Variants in KCNH5 observed in about 807,000 individuals in gnomAD.
KCNH5 encodes potassium voltage-gated channel subfamily H member 5, also known as voltage-gated delayed rectifier potassium channel KCNH5.
A neutral mutation model predicts 96.1 loss-of-function variants in KCNH5; 46 were observed. The observed-to-expected ratio is 0.48, with a 90% CI of 0.38 to 0.61. The LOEUF is 0.61. KCNH5 is among the 20% of genes least tolerant of loss of function. KCNH5 has a pLI of 0.00. For missense variants in KCNH5, 907 were observed against 1,225.8 expected (o/e 0.74, Z 3.88); for synonymous variants, 439 against 449.8 (o/e 0.98, Z 0.30).
At chr14:62,989,725 A>C (rs903702547) in intron 4 of KCNH5, among the ~76,000 whole-genome samples, 1 of 152,096 alleles carries the variant, frequency 6.6e-6, no homozygotes, top group Admixed American at 6.6e-5. Flanking sequence ...CATTCTTAGC[A>C]CTTGAAACAA....
chr14:63,029,776 C>G (rs1215189379), intron 1 of KCNH5, among the ~76,000 whole-genome samples: 1 of 151,902 alleles, frequency 6.6e-6, no homozygotes, highest in Non-Finnish European at 1.5e-5. Flanking sequence ...TTGAAACACT[C>G]TCTATGTATA....
chr14:62,744,774 T>C (rs1885341357), intron 10 of KCNH5, among the ~76,000 whole-genome samples: 1 of 152,214 alleles, frequency 6.6e-6, no homozygotes, highest in Non-Finnish European at 1.5e-5. Context: ...AAACCGATCA[T>C]TCAGAGGGTT....
chr14:62,834,963 T>A (rs2140031383), intron 8 of KCNH5, among the ~76,000 whole-genome samples: 1 of 151,772 alleles, frequency 6.6e-6, no homozygotes, highest in African/African-American at 2.4e-5. Context: ...AGAGAAAAAA[T>A]TTTCTGATCC....
At chr14:62,847,986 T>C (rs1887732190) in intron 8 of KCNH5, among the ~76,000 whole-genome samples, 1 of 152,218 alleles carries the variant, frequency 6.6e-6, no homozygotes, top group Non-Finnish European at 1.5e-5. Context: ...GCTCCATTCA[T>C]GAATAACTCA....
At position 62,712,288 on chromosome 14, in the gene KCNH5, A is replaced by G. The variant is rs17100255; in HGVS notation, c.2020-3833T>C. 806 of 183,964 alleles carry G rather than the reference A, an allele frequency of 4.4e-3. 11 individuals carry two copies. The highest frequency in any genetic ancestry group is 0.018 in the African/African-American group (774 of 42,870). 11.4% of individuals were successfully genotyped at this position (183,964 alleles called of 1,614,324 possible). On this transcript the variant is annotated intron_variant, in intron 10 of 10. Coordinates refer to ENST00000322893, the MANE Select transcript of KCNH5 (RefSeq NM_139318.5). ...CATTTGTTTTATTTTACTTTTGACTATGGAACAAAATAATGGCATTGTAAA... is the reference window on the plus strand; with the variant it reads ...CATTTGTTTTATTTTACTTTTGACTGTGGAACAAAATAATGGCATTGTAAA...
At chr14:62,930,752 T>C (rs1889565689) in intron 7 of KCNH5, among the ~76,000 whole-genome samples, 2 of 152,276 alleles carry the variant, frequency 1.3e-5, no homozygotes, top group South Asian at 4.1e-4. Context: ...TTAAATTTAG[T>C]TCACAGTACT....
chr14:62,843,653 G>A lies in KCNH5; in HGVS notation c.1569+6000C>T, dbSNP rs538830630. ...TCTCGATCTCCTCACCTCGTGATCC[G>A]CCTGCCTCAGCCTCCCAAAGTGCTG... is the stretch of plus-strand genomic sequence containing the variant. On this transcript the variant is annotated intron_variant, in intron 8 of 10. Transcript: ENST00000322893. Among the ~76,000 whole-genome samples the A allele has an allele frequency of 1.7e-4, 26 of 151,792 alleles. 1 individual carries two copies. The highest frequency in any genetic ancestry group is 1.4e-3 in the Admixed American group (22 of 15,238).
chr14:62,864,523 C>G (rs926973429), intron 7 of KCNH5, among the ~76,000 whole-genome samples: 29 of 152,008 alleles, frequency 1.9e-4, no homozygotes, highest in African/African-American at 7.0e-4. Context: ...ACCAAGTATG[C>G]CCAAAGAAGA....
chr14:62,995,180 T>C (rs1230314939), intron 4 of KCNH5, among the ~76,000 whole-genome samples: 1 of 152,064 alleles, frequency 6.6e-6, no homozygotes, highest in African/African-American at 2.4e-5. Context: ...TCGATACAAG[T>C]AGGAGATTAA....
rs536262522 is a variant in KCNH5, at chr14:62,948,336, G to A, written c.1369+1797C>T. On this transcript the variant is annotated intron_variant, in intron 7 of 10. Transcript: ENST00000322893. The stretch of plus-strand genomic sequence containing the variant: ...AGCATATAAAGGGGATATCACCACC[G>A]ATCCCACAGAAATACAAACTACCAT... 1.5e-3 allele frequency among the ~76,000 whole-genome samples: 230 copies of A among 152,036 alleles called. No individual in the cohort carries two copies. The Middle Eastern group carries it at 0.021, about 14-fold the overall frequency.
At chr14:62,872,493 A>T (rs116617330) in intron 7 of KCNH5, among the ~76,000 whole-genome samples, 2,809 of 152,256 alleles carry the variant, frequency 0.018, 83 homozygotes, top group African/African-American at 0.064. Context: ...GATCAAGACC[A>T]TTCTAGCTAA....
intron 10 of KCNH5, among the ~76,000 whole-genome samples, chr14:62,724,926 T>C (rs942525088): frequency 3.3e-5 from 5 of 152,176 alleles, no homozygotes; most frequent in African/African-American, 1.2e-4. Flanking sequence ...CCCACCAGCA[T>C]GCAAACACAC....
intron 7 of KCNH5, among the ~76,000 whole-genome samples, chr14:62,876,115 C>T (rs1420454531): frequency 1.3e-5 from 2 of 152,088 alleles, no homozygotes; most frequent in African/African-American, 2.4e-5. Context: ...TGCAGTGAGT[C>T]GAGATGGTGC....
At chr14:62,824,417 G>A (rs1201856044) in intron 8 of KCNH5, among the ~76,000 whole-genome samples, 1 of 152,040 alleles carries the variant, frequency 6.6e-6, no homozygotes, top group African/African-American at 2.4e-5. Context: ...AAGGTAAGAG[G>A]AGCATTAGTA....
chr14:62,911,494 G>A (rs1391585994), intron 7 of KCNH5, among the ~76,000 whole-genome samples: 2 of 151,804 alleles, frequency 1.3e-5, no homozygotes, highest in Non-Finnish European at 2.9e-5. Flanking sequence ...AATTCATACA[G>A]AAGAGTAAAT....
chr14:62,877,787 T>C (rs146802918), intron 7 of KCNH5, among the ~76,000 whole-genome samples: 20,392 of 151,584 alleles, frequency 0.13, 1,574 homozygotes, highest in East Asian at 0.27. Context: ...GTCAGTGTGG[T>C]GATTCCTCAG....
chr14:62,856,704 C>T (rs960318664), intron 7 of KCNH5, among the ~76,000 whole-genome samples: 1 of 152,008 alleles, frequency 6.6e-6, no homozygotes, highest in Non-Finnish European at 1.5e-5. Context: ...CTCCTGGCTT[C>T]GCTGGATGCT....
chr14:62,713,293 T>C (rs1369215169), intron 10 of KCNH5, among the ~76,000 whole-genome samples: 1 of 152,158 alleles, frequency 6.6e-6, no homozygotes, highest in South Asian at 2.1e-4. Context: ...TTATTATTAT[T>C]ATTATTGATC....
chr14:62,891,843 T>C (rs927158350), intron 7 of KCNH5, among the ~76,000 whole-genome samples: 2 of 152,230 alleles, frequency 1.3e-5, no homozygotes, highest in African/African-American at 2.4e-5. Flanking sequence ...TGTGATTGTT[T>C]AGGGATGTCA....
Sources: gnomAD v4.1 joint callset for allele counts (sites outside exome capture counted in the v4.1 genomes callset) on GRCh38, gnomAD v4.1.1 for gene constraint, MANE v1.5 for transcripts, NCBI Gene and HGNC (gene_info 2026-07-23, HGNC 2026-07-21) for gene names.